The following WDR37 variants were observed in gnomAD, a reference collection of about 807,000 sequenced individuals.
WDR37 encodes the protein WD repeat domain 37.
WDR37 carries 19 observed loss-of-function variants against 62.9 expected under a neutral mutation model. That is an observed-to-expected ratio of 0.30 (90% CI 0.21 to 0.44). The LOEUF (loss-of-function observed/expected upper bound fraction) is 0.44. WDR37 is among the 20% of genes least tolerant of loss of function. The pLI, the probability that WDR37 is intolerant of heterozygous loss-of-function variation, is 1.00. For missense variants in WDR37, 474 were observed against 657.6 expected (o/e 0.72, Z 3.05); for synonymous variants, 250 against 260.9 (o/e 0.96, Z 0.40).
At chr10:1,117,684 A>G (rs1488327851) in intron 11 of WDR37, among the ~76,000 whole-genome samples, 1 of 152,244 alleles carries the variant, frequency 6.6e-6, no homozygotes, top group African/African-American at 2.4e-5. Flanking sequence ...ACAAGTCAGC[A>G]GAAACCAGCA....
chr10:1,110,550 G>C (rs749509350), intron 11 of WDR37, among the ~76,000 whole-genome samples: 1 of 152,190 alleles, frequency 6.6e-6, no homozygotes, highest in Non-Finnish European at 1.5e-5. Context: ...CTCGCAGTGC[G>C]GTTTAGGTCC....
rs1833984837 is a variant in WDR37, at chr10:1,080,126, A to G, written c.331+20A>G. ...CAAAAGGTAAGGTGAATCCCATGAA[A>G]GTCTTGTCCTGCAGATTATACATGC... is the stretch of plus-strand genomic sequence containing the variant. On this transcript the variant is annotated intron_variant, in intron 4 of 13. Coordinates refer to ENST00000263150, the MANE Select transcript of WDR37 (RefSeq NM_014023.4). 1.2e-6 allele frequency: 2 copies of G among 1,612,810 alleles called. No individual in the cohort carries two copies. The highest frequency in any genetic ancestry group is 1.7e-6 in the Non-Finnish European group (2 of 1,179,126).
rs1835962712 is a variant in WDR37, at chr10:1,132,268, A to C, written c.*2924A>C. On this transcript the variant is annotated 3_prime_UTR_variant, in exon 14 of 14. Transcript: ENST00000263150. Reference sequence around the variant, plus strand: ...CTATATAAACATCACGATGAGCTAGAAATTGAACAAATATAATACTGGTCA... The same window carrying C: ...CTATATAAACATCACGATGAGCTAGCAATTGAACAAATATAATACTGGTCA... 6.6e-6 allele frequency: 1 copy of C among 152,190 alleles called. No individual in the cohort carries two copies. Among genetic ancestry groups the C allele is most frequent in the Admixed American group, 6.5e-5 (1 of 15,288 alleles). 9.4% of individuals were successfully genotyped at this position (152,190 alleles called of 1,614,324 possible).
At chr10:1,104,211 A>G (rs1305112935) in intron 10 of WDR37, among the ~76,000 whole-genome samples, 1 of 152,210 alleles carries the variant, frequency 6.6e-6, no homozygotes, top group Non-Finnish European at 1.5e-5. Context: ...CTGGGCCCTC[A>G]AAGACCTAAG....
chr10:1,074,180 C>G (rs1772006392), intron 2 of WDR37, among the ~76,000 whole-genome samples: 1 of 152,150 alleles, frequency 6.6e-6, no homozygotes. Context: ...AGTAAGCAGT[C>G]CAAGATAGGT....
At chr10:1,069,666 A>G (rs1434692742) in intron 1 of WDR37, among the ~76,000 whole-genome samples, 1 of 151,958 alleles carries the variant, frequency 6.6e-6, no homozygotes, top group African/African-American at 2.4e-5. Flanking sequence ...AGTTGGGGTA[A>G]CTAATGGGTA....
chr10:1,062,442 G>A (rs891697315), intron 1 of WDR37, among the ~76,000 whole-genome samples: 31 of 152,190 alleles, frequency 2.0e-4, no homozygotes, highest in African/African-American at 7.2e-4. Context: ...GCATCAGAAT[G>A]TTTCTACAGA....
intron 11 of WDR37, among the ~76,000 whole-genome samples, chr10:1,113,501 A>T (rs962174682): frequency 1.3e-5 from 2 of 152,216 alleles, no homozygotes; most frequent in Non-Finnish European, 2.9e-5. Flanking sequence ...ATAGATAGTG[A>T]TTCCTCTGAT....
chr10:1,116,030 G>T (rs942408757), intron 11 of WDR37, among the ~76,000 whole-genome samples: 2 of 152,154 alleles, frequency 1.3e-5, no homozygotes, highest in African/African-American at 4.8e-5. Context: ...TATTCATGGG[G>T]TGTGAGTGCA....
At chr10:1,084,287 C>T in intron 5 of WDR37, 116 bp from the exon 6 acceptor site, 3 of 1,321,278 alleles carry the variant, frequency 2.3e-6, no homozygotes, top group South Asian at 2.8e-5. Context: ...GATGCTTTAA[C>T]TGTCCTAGTC....
chr10:1,087,392 C>T (rs2131634560), intron 7 of WDR37, among the ~76,000 whole-genome samples: 1 of 152,312 alleles, frequency 6.6e-6, no homozygotes, highest in South Asian at 2.1e-4. Context: ...TCTGTTTCCT[C>T]CTTCAAATTT....
At chr10:1,114,081 C>T (rs1337565695) in intron 11 of WDR37, among the ~76,000 whole-genome samples, 9 of 151,190 alleles carry the variant, frequency 6.0e-5, no homozygotes, top group Non-Finnish European at 1.0e-4. Flanking sequence ...CTCAGCCTCC[C>T]GAGTAGCTGG....
At chr10:1,076,768 C>T (rs987607415) in intron 2 of WDR37, among the ~76,000 whole-genome samples, 40 of 151,508 alleles carry the variant, frequency 2.6e-4, no homozygotes, top group Non-Finnish European at 5.2e-4. Flanking sequence ...ATCAGCCAGG[C>T]ACAGTGGCTC....
At chr10:1,057,644 G>A (rs1309578868) in intron 1 of WDR37, among the ~76,000 whole-genome samples, 1 of 152,178 alleles carries the variant, frequency 6.6e-6, no homozygotes, top group Non-Finnish European at 1.5e-5. Context: ...TAACACAAGA[G>A]CAACAATAAT....
chr10:1,060,589 C>G (rs780932087), intron 1 of WDR37, among the ~76,000 whole-genome samples: 19 of 152,132 alleles, frequency 1.2e-4, no homozygotes, highest in East Asian at 7.7e-4. Flanking sequence ...TCAGGTTTCT[C>G]TTTGCTTGTA....
At chr10:1,112,000 C>T (rs1443835612) in intron 11 of WDR37, among the ~76,000 whole-genome samples, 1 of 151,968 alleles carries the variant, frequency 6.6e-6, no homozygotes, top group East Asian at 1.9e-4. Context: ...CTCCTGGGTT[C>T]AAGCGATTCC....
intron 7 of WDR37, among the ~76,000 whole-genome samples, chr10:1,089,355 G>C (rs116554502): frequency 6.6e-6 from 1 of 152,254 alleles, no homozygotes; most frequent in South Asian, 2.1e-4. Flanking sequence ...AGCTAGTGGG[G>C]CTTCCAGTGC....
chr10:1,057,175 G>A (rs1833209605), intron 1 of WDR37, among the ~76,000 whole-genome samples: 1 of 152,012 alleles, frequency 6.6e-6, no homozygotes, highest in South Asian at 2.1e-4. Flanking sequence ...GTGCAGGAAG[G>A]GCCGTGGTGC....
At chr10:1,113,474 G>A (rs1214019191) in intron 11 of WDR37, among the ~76,000 whole-genome samples, 3 of 151,984 alleles carry the variant, frequency 2.0e-5, no homozygotes, top group Non-Finnish European at 2.9e-5. Context: ...AATACACTTT[G>A]TAAGGCTATA....
Sources: allele counts gnomAD v4.1 joint callset (sites outside exome capture counted in the v4.1 genomes callset), GRCh38; gene constraint gnomAD v4.1.1; transcripts MANE v1.5; gene names NCBI Gene and HGNC (gene_info 2026-07-23, HGNC 2026-07-21).